Variants in JPH2 observed in about 807,000 individuals in gnomAD.
The protein encoded by JPH2 is junctophilin 2, also known as junctophilin-2.
A neutral mutation model predicts 55.9 loss-of-function variants in JPH2; 38 were observed. That is an observed-to-expected ratio of 0.68 (90% confidence interval 0.52 to 0.89). JPH2 has a LOEUF of 0.89. Ranked by LOEUF, JPH2 falls within the 40% of genes least tolerant of loss-of-function variation. The pLI, the probability that JPH2 is intolerant of heterozygous loss-of-function variation, is 0.00. For synonymous variants in JPH2, 480 were observed against 472.4 expected (o/e 1.02, Z -0.21); for missense variants, 964 against 1,037.6 (o/e 0.93, Z 0.97).
At chr20:44,121,793 C>T (rs1017002099) in intron 2 of JPH2, among the ~76,000 whole-genome samples, 1 of 151,786 alleles carries the variant, frequency 6.6e-6, no homozygotes, top group Admixed American at 6.6e-5. Context: ...TCAAGACCAG[C>T]CTAAGCAACA....
chr20:44,120,201 A>T (rs1487090037), intron 2 of JPH2, among the ~76,000 whole-genome samples: 3 of 151,568 alleles, frequency 2.0e-5, no homozygotes, highest in South Asian at 4.2e-4. Flanking sequence ...AAGTTCATGG[A>T]CCCCTGAAAT....
chr20:44,148,530 G>A (rs577028243), intron 2 of JPH2, among the ~76,000 whole-genome samples: 2 of 152,186 alleles, frequency 1.3e-5, no homozygotes, highest in Non-Finnish European at 2.9e-5. Flanking sequence ...AGGGTTCTTC[G>A]TTTCTTTCCC....
At position 44,160,100 on chromosome 20, in the gene JPH2, C is replaced by T. The variant is rs1372719506; in HGVS notation, c.687G>A (p.Lys229=). 6.5e-7 allele frequency: 1 copy of T among 1,529,000 alleles called. No homozygotes were observed. The highest frequency in any genetic ancestry group is 2.0e-5 in the Admixed American group (1 of 50,586). The allele number at this position is 1,529,000 out of a possible 1,614,324, so 94.7% of individuals were successfully genotyped here. The change falls in exon 2 of 6, where the codon AAG becomes AAA. Residue 229 remains lysine (K), a synonymous_variant. Coordinates refer to ENST00000372980, the MANE Select transcript of JPH2 (RefSeq NM_020433.5). This position sits in a 1 kb window ranked among gnomAD's most constrained non-coding sequence, Gnocchi z 4.9. Reference sequence around the variant, plus strand: ...ACGTGCGCGACTCTGCGCGCCGCAGCTTGCCCAGCAGCGCGCCCCGCTGGA... The same window carrying T: ...ACGTGCGCGACTCTGCGCGCCGCAGTTTGCCCAGCAGCGCGCCCCGCTGGA... ...GLFQRGALLG[K]LRRAESRTSV...
chr20:44,130,222 T>G (rs1355198946), intron 2 of JPH2, among the ~76,000 whole-genome samples: 5 of 152,230 alleles, frequency 3.3e-5, no homozygotes, highest in Non-Finnish European at 5.9e-5. Flanking sequence ...CAGGACTCCC[T>G]GGCACAAAAG....
chr20:44,155,749 T>C (rs953960205), intron 2 of JPH2, among the ~76,000 whole-genome samples: 3 of 152,118 alleles, frequency 2.0e-5, no homozygotes, highest in African/African-American at 4.8e-5. Flanking sequence ...TCCTCAAAAC[T>C]GTTGGGCTGG....
chr20:44,127,557 C>T (rs1014233576), intron 2 of JPH2, among the ~76,000 whole-genome samples: 4 of 151,388 alleles, frequency 2.6e-5, no homozygotes, highest in African/African-American at 7.3e-5. Context: ...GCAATCTCAG[C>T]TCACTGCAAC....
chr20:44,128,720 T>C (rs2072294533), intron 2 of JPH2, among the ~76,000 whole-genome samples: 1 of 152,110 alleles, frequency 6.6e-6, no homozygotes, highest in Non-Finnish European at 1.5e-5. Flanking sequence ...AGAGTCTCGC[T>C]CTGTTGCCCA....
In JPH2 at chr20:44,170,861, A is replaced by G. The variant is rs542535931; in HGVS notation, c.380-10454T>C. Among the ~76,000 whole-genome samples the G allele has an allele frequency of 7.2e-5, 11 of 152,354 alleles. No individual in the cohort carries two copies. The East Asian group carries it at 2.1e-3, about 29-fold the overall frequency. ...ATCATCATTTCGATGTTACAATTGG[A>G]AAAACTGAAACTAAGAATTTAAATG... On this transcript the variant is annotated intron_variant, in intron 1 of 5. Coordinates refer to ENST00000372980, the MANE Select transcript of JPH2 (RefSeq NM_020433.5).
chr20:44,149,962 G>GAAAAAAA (rs374913556), intron 2 of JPH2, among the ~76,000 whole-genome samples: 3 of 116,756 alleles, frequency 2.6e-5, no homozygotes, highest in Non-Finnish European at 3.7e-5. Flanking sequence ...GGGCGACAGA[G>GAAAAAAA]GAAAAAAAAA....
rs2072124240 is a variant in JPH2, at chr20:44,108,937, C to T, written c.*4581G>A. On this transcript the variant is annotated 3_prime_UTR_variant, in exon 6 of 6. Coordinates refer to ENST00000372980, the MANE Select transcript of JPH2 (RefSeq NM_020433.5). The stretch of plus-strand genomic sequence containing the variant: ...TTAGAGTGCCTCCATCTCTGACAAC[C>T]TAAGGAGTTATTTCCTCAAGCTTCT... Among the ~76,000 whole-genome samples, 2 of 152,208 alleles carry T rather than the reference C, an allele frequency of 1.3e-5. No homozygotes were observed. Among genetic ancestry groups the T allele is most frequent in the Admixed American group, 6.5e-5 (1 of 15,288 alleles).
intron 1 of JPH2, among the ~76,000 whole-genome samples, chr20:44,179,113 A>ATAG (rs143272473): frequency 6.6e-6 from 1 of 152,178 alleles, no homozygotes; most frequent in Non-Finnish European, 1.5e-5. Flanking sequence ...TGTAACAATA[A>ATAG]TAGTAGTAGT....
At chr20:44,152,956 G>T (rs534375556) in intron 2 of JPH2, among the ~76,000 whole-genome samples, 5 of 152,274 alleles carry the variant, frequency 3.3e-5, no homozygotes, top group Admixed American at 2.0e-4. Flanking sequence ...TATTGATTTC[G>T]CATTTTCAAT....
At chr20:44,143,455 C>T (rs1388972629) in intron 2 of JPH2, among the ~76,000 whole-genome samples, 3 of 152,222 alleles carry the variant, frequency 2.0e-5, no homozygotes, top group African/African-American at 7.2e-5. Context: ...GCCCCTTCAC[C>T]CTCTGCCGCT....
chr20:44,186,376 C>T lies in JPH2; in HGVS notation c.330G>A (p.Trp110Ter). ...SSSGAKYEGT[W>*]NNGLQDGYGT... ...CATAGCCGTCTTGCAGGCCATTGTT[C>T]CAGGTGCCCTCATACTTGGCACCGC... The change falls in exon 1 of 6, where the codon TGG becomes TGA. Residue 110 changes from tryptophan (W) to a stop codon, truncating the protein, a stop_gained. Coordinates refer to ENST00000372980, the MANE Select transcript of JPH2 (RefSeq NM_020433.5). LOFTEE classifies it high-confidence loss of function. 2 of 1,613,472 alleles carry T rather than the reference C, an allele frequency of 1.2e-6. No homozygotes were observed. The highest frequency in any genetic ancestry group is 8.5e-7 in the Non-Finnish European group (1 of 1,179,968).
chr20:44,116,036 CCTCGATGGCCATGCG>C lies in JPH2; in HGVS notation c.1624_1638del (p.Arg542_Glu546del). On this transcript the variant is annotated inframe_deletion, in exon 4 of 6. Coordinates refer to ENST00000372980, the MANE Select transcript of JPH2 (RefSeq NM_020433.5). ...GACGGCGCAGGCGGTGCCTGCAGAG[CCTCGATGGCCATGCG>C]CTCGGTGGCTGGACGCGCGGGGCTG... 6.4e-7 allele frequency: 1 copy of C among 1,574,396 alleles called. No individual in the cohort carries two copies. The highest frequency in any genetic ancestry group is 8.6e-7 in the Non-Finnish European group (1 of 1,169,058).
At chr20:44,177,917 T>A in intron 1 of JPH2, 1 of 1,468,794 alleles carries the variant, frequency 6.8e-7, no homozygotes, top group Non-Finnish European at 9.5e-7. Context: ...TGCTCAGTGC[T>A]TCATTGTCTT....
intron 1 of JPH2, among the ~76,000 whole-genome samples, chr20:44,164,855 G>A (rs2072644805): frequency 1.3e-5 from 2 of 151,016 alleles, no homozygotes; most frequent in African/African-American, 4.9e-5. Context: ...TGGAGGTCGG[G>A]GGATGGAGTT....
chr20:44,157,732 T>C (rs997654061), intron 2 of JPH2, among the ~76,000 whole-genome samples: 2 of 152,204 alleles, frequency 1.3e-5, no homozygotes, highest in Non-Finnish European at 1.5e-5. Flanking sequence ...ACAGGCCAAC[T>C]GATCTGCCCA....
Position 44,187,136 on chromosome 20 carries a change from T to G in JPH2, c.-431A>C. The G allele has an allele frequency of 2.1e-5, 4 of 189,700 alleles. No homozygotes were observed. Among genetic ancestry groups the G allele is most frequent in the Non-Finnish European group, 3.3e-5 (3 of 91,552 alleles). 11.8% of individuals were successfully genotyped at this position (189,700 alleles called of 1,614,324 possible). ...GTGGCAGCCCCCGCCGGAGGCTGAA[T>G]TCCCGCAGCCCGCTGGCCCCCTTCT... On this transcript the variant is annotated 5_prime_UTR_variant, in exon 1 of 6. Transcript: ENST00000372980.
Sources: allele counts gnomAD v4.1 joint callset (sites outside exome capture counted in the v4.1 genomes callset), GRCh38; gene constraint gnomAD v4.1.1; non-coding constraint Gnocchi (gnomAD v3.1); transcripts MANE v1.5; gene names NCBI Gene and HGNC (gene_info 2026-07-23, HGNC 2026-07-21).